Variants in ADAMTS12 observed in about 807,000 individuals in gnomAD.
The protein encoded by ADAMTS12 is ADAM metallopeptidase with thrombospondin type 1 motif 12, also known as A disintegrin and metalloproteinase with thrombospondin motifs 12.
In ADAMTS12, 118 loss-of-function variants were observed where a neutral mutation model predicts 167.8. That is an observed-to-expected ratio of 0.70 (90% CI 0.61 to 0.82). ADAMTS12 has a LOEUF of 0.82. Ranked by LOEUF, ADAMTS12 falls within the 40% of genes least tolerant of loss-of-function variation. The pLI is 0.00. For synonymous variants in ADAMTS12, 704 were observed against 716.9 expected (o/e 0.98, Z 0.29); for missense variants, 1,916 against 1,998.8 (o/e 0.96, Z 0.79).
intron 3 of ADAMTS12, among the ~76,000 whole-genome samples, chr5:33,696,636 T>C (rs1388235620): frequency 6.6e-6 from 1 of 152,090 alleles, no homozygotes; most frequent in Non-Finnish European, 1.5e-5. Flanking sequence ...GTGAGGGACA[T>C]CATGCAGCTG....
chr5:33,765,887 T>G (rs1745513075), intron 2 of ADAMTS12, among the ~76,000 whole-genome samples: 1 of 152,224 alleles, frequency 6.6e-6, no homozygotes, highest in Non-Finnish European at 1.5e-5. Context: ...TCAGATGATG[T>G]GATTAAGTGC....
At position 33,692,176 on chromosome 5, in the gene ADAMTS12, C is replaced by A. The variant is rs567020319; in HGVS notation, c.635-8121G>T. 3.9e-5 allele frequency among the ~76,000 whole-genome samples: 6 copies of A among 152,260 alleles called. 1 individual carries two copies. The East Asian group carries it at 9.7e-4, about 25-fold the overall frequency. ...AATATAGACTAAATTTCCCAGCCTC[C>A]CTTGCAGCTAAATTCTGACCAATAA... On this transcript the variant is annotated intron_variant, in intron 3 of 23. Coordinates refer to ENST00000504830, the MANE Select transcript of ADAMTS12 (RefSeq NM_030955.4).
rs748012527 is a variant in ADAMTS12, at chr5:33,614,342, T to C, written c.2423A>G (p.Tyr808Cys). The change falls in exon 16 of 24, where the codon TAT (tyrosine) becomes TGT (cysteine). Residue 808 changes from tyrosine to cysteine, a missense_variant. Transcript: ENST00000504830. ...LFQVTNPGIK[Y>C]EYTIQKDGLD... is the part of the protein sequence containing the mutation. ...GCCATCTTTCTGGATTGTGTACTCA[T>C]ACTTGATGCCAGGGTTAGTCACCTG... 1 of 1,614,144 alleles carries C rather than the reference T, an allele frequency of 6.2e-7. No individual in the cohort carries two copies. Among genetic ancestry groups the C allele is most frequent in the East Asian group, 2.2e-5 (1 of 44,876 alleles).
In ADAMTS12 at chr5:33,524,966, T is replaced by C. The variant is rs184865826; in HGVS notation, c.*2222A>G. On this transcript the variant is annotated 3_prime_UTR_variant, in exon 24 of 24. Coordinates refer to ENST00000504830, the MANE Select transcript of ADAMTS12 (RefSeq NM_030955.4). ...TTGTACACGGAGAAATTTGGCCTAG[T>C]TTAGTTGGTTGAGGTCAGTAGGAAT... The C allele has an allele frequency of 6.6e-6, 1 of 152,328 alleles. No individual in the cohort carries two copies. Among genetic ancestry groups the C allele is most frequent in the East Asian group, 1.9e-4 (1 of 5,180 alleles). The allele number at this position is 152,328 out of a possible 1,614,324, so 9.4% of individuals were successfully genotyped here.
chr5:33,760,917 G>A (rs1329769417), intron 2 of ADAMTS12, among the ~76,000 whole-genome samples: 4 of 147,724 alleles, frequency 2.7e-5, no homozygotes, highest in Non-Finnish European at 4.5e-5. Context: ...GTGTGTGTGT[G>A]TGTGCGTATG....
chr5:33,739,320 A>G (rs1744483173), intron 3 of ADAMTS12, among the ~76,000 whole-genome samples: 1 of 152,066 alleles, frequency 6.6e-6, no homozygotes, highest in Non-Finnish European at 1.5e-5. Flanking sequence ...ACACACACAC[A>G]CACTACGCAC....
At position 33,661,987 on chromosome 5, in the gene ADAMTS12, C is replaced by T. The variant is rs749506681; in HGVS notation, c.969G>A (p.Lys323=). ...HAEKTLSSFC[K]WQKSINPKSD... is the part of the protein sequence containing the mutation. Reference sequence around the variant, plus strand: ...TCTTGGGATTGATACTCTTCTGCCACTTGCAGAAGCTAGACAGTGTCTTTT... The same window carrying T: ...TCTTGGGATTGATACTCTTCTGCCATTTGCAGAAGCTAGACAGTGTCTTTT... Residue 323 remains lysine (K), a synonymous_variant, in exon 6 of 24, where the codon AAG becomes AAA. Coordinates refer to ENST00000504830, the MANE Select transcript of ADAMTS12 (RefSeq NM_030955.4). 5 of 1,612,978 alleles carry T rather than the reference C, an allele frequency of 3.1e-6. No homozygotes were observed. In the East Asian group the frequency reaches 1.1e-4, roughly 36 times the overall value.
chr5:33,668,071 C>T (rs1297348066), intron 5 of ADAMTS12, among the ~76,000 whole-genome samples: 5 of 152,318 alleles, frequency 3.3e-5, no homozygotes, highest in Non-Finnish European at 5.9e-5. Context: ...TGAGTTACAA[C>T]TGGGTTACGT....
At chr5:33,800,068 G>T (rs754102139) in intron 2 of ADAMTS12, among the ~76,000 whole-genome samples, 1 of 152,060 alleles carries the variant, frequency 6.6e-6, no homozygotes, top group Non-Finnish European at 1.5e-5. Context: ...AAGCCAAAGG[G>T]GATACCAATA....
chr5:33,545,781 T>C (rs1385005640), intron 22 of ADAMTS12, among the ~76,000 whole-genome samples: 1 of 151,010 alleles, frequency 6.6e-6, no homozygotes, highest in Admixed American at 6.6e-5. Context: ...AAACACTGCA[T>C]GTTCTCACTC....
chr5:33,882,669 G>A (rs530110864), intron 1 of ADAMTS12, among the ~76,000 whole-genome samples: 1 of 151,990 alleles, frequency 6.6e-6, no homozygotes, highest in Non-Finnish European at 1.5e-5. Context: ...TCGACTCACC[G>A]CAACCTCCGC....
At chr5:33,705,770 T>C (rs989065851) in intron 3 of ADAMTS12, among the ~76,000 whole-genome samples, 10 of 152,000 alleles carry the variant, frequency 6.6e-5, no homozygotes, top group African/African-American at 1.4e-4. Context: ...GGTCACACCA[T>C]TGTACTCCAG....
At chr5:33,717,114 T>G (rs1438275215) in intron 3 of ADAMTS12, among the ~76,000 whole-genome samples, 4 of 110,426 alleles carry the variant, frequency 3.6e-5, no homozygotes, top group East Asian at 3.9e-4. Context: ...AGAAAGAAAT[T>G]GTAGGTTTTT....
chr5:33,655,052 A>G (rs1165818509), intron 7 of ADAMTS12, among the ~76,000 whole-genome samples: 1 of 151,918 alleles, frequency 6.6e-6, no homozygotes, highest in Non-Finnish European at 1.5e-5. Flanking sequence ...CAGTCTTCCT[A>G]TGTTTGTTTT....
At chr5:33,859,923 A>C (rs1407212925) in intron 2 of ADAMTS12, among the ~76,000 whole-genome samples, 2 of 152,228 alleles carry the variant, frequency 1.3e-5, no homozygotes, top group African/African-American at 4.8e-5. Flanking sequence ...GAGGGGCCTG[A>C]CTGTTGGAAG....
chr5:33,702,764 C>G (rs566436446), intron 3 of ADAMTS12, among the ~76,000 whole-genome samples: 1 of 152,336 alleles, frequency 6.6e-6, no homozygotes, highest in South Asian at 2.1e-4. Context: ...CAGGACAGTT[C>G]ATACAACTGT....
intron 21 of ADAMTS12, among the ~76,000 whole-genome samples, chr5:33,546,794 C>A (rs1745005751): frequency 6.6e-6 from 1 of 152,158 alleles, no homozygotes; most frequent in African/African-American, 2.4e-5. Context: ...TACATTATCT[C>A]ATTTGCATGA....
intron 14 of ADAMTS12, among the ~76,000 whole-genome samples, chr5:33,623,676 G>A (rs1739438532): frequency 6.6e-6 from 1 of 152,190 alleles, no homozygotes; most frequent in South Asian, 2.1e-4. Flanking sequence ...CCAGTGGGTG[G>A]GACCCCCTCC....
At chr5:33,579,969 A>G (rs1298847576) in intron 18 of ADAMTS12, among the ~76,000 whole-genome samples, 1 of 152,252 alleles carries the variant, frequency 6.6e-6, no homozygotes, top group Non-Finnish European at 1.5e-5. Flanking sequence ...TTGGTGAGGT[A>G]GGTGCAGGCA....
Sources: allele counts gnomAD v4.1 joint callset (sites outside exome capture counted in the v4.1 genomes callset), GRCh38; gene constraint gnomAD v4.1.1; transcripts MANE v1.5; gene names NCBI Gene and HGNC (gene_info 2026-07-23, HGNC 2026-07-21).